The following ARL15 variants were observed in gnomAD, a reference collection of about 807,000 sequenced individuals.
ARL15 encodes ARF like GTPase 15.
ARL15 carries 19 observed loss-of-function variants against 25.2 expected under a neutral mutation model. The ratio of observed to expected loss-of-function variants is 0.75; its 90% CI spans 0.53 to 1.10. The LOEUF is 1.10. Ranked by LOEUF, ARL15 falls within the 50% of genes least tolerant of loss-of-function variation. The pLI is 0.00. For synonymous variants in ARL15, 94 were observed against 86.8 expected (o/e 1.08, Z -0.46); for missense variants, 220 against 246.0 (o/e 0.89, Z 0.71).
chr5:54,177,864 G>C (rs768306011), intron 1 of ARL15, among the ~76,000 whole-genome samples: 3 of 152,092 alleles, frequency 2.0e-5, no homozygotes, highest in Non-Finnish European at 2.9e-5. Context: ...TCTGTTTAAA[G>C]GGCACCTCCT....
chr5:53,898,719 C>T (rs1744955961), intron 4 of ARL15, among the ~76,000 whole-genome samples: 1 of 151,788 alleles, frequency 6.6e-6, no homozygotes, highest in South Asian at 2.1e-4. Flanking sequence ...TATCATGGCT[C>T]ACTGTAGCCT....
intron 2 of ARL15, among the ~76,000 whole-genome samples, chr5:54,156,317 C>G (rs1754231374): frequency 6.6e-6 from 1 of 152,178 alleles, no homozygotes; most frequent in African/African-American, 2.4e-5. Flanking sequence ...TGTGGGCAAC[C>G]TACTAGCCTT....
At chr5:53,894,195 A>C (rs1744801650) in intron 4 of ARL15, among the ~76,000 whole-genome samples, 1 of 152,252 alleles carries the variant, frequency 6.6e-6, no homozygotes, top group Admixed American at 6.5e-5. Context: ...ACTAAAGTTC[A>C]GTGCAGCCTA....
At chr5:53,903,963 G>A (rs1008764411) in intron 4 of ARL15, among the ~76,000 whole-genome samples, 1 of 152,072 alleles carries the variant, frequency 6.6e-6, no homozygotes, top group African/African-American at 2.4e-5. Flanking sequence ...AAGTAAAGTC[G>A]GGTAGGAATA....
chr5:53,995,607 G>C (rs1453092792), intron 4 of ARL15, among the ~76,000 whole-genome samples: 1 of 152,144 alleles, frequency 6.6e-6, no homozygotes, highest in Non-Finnish European at 1.5e-5. Flanking sequence ...ATCTTCAAGA[G>C]TAGTTTATCA....
chr5:53,909,839 G>A (rs1745395627), intron 4 of ARL15, among the ~76,000 whole-genome samples: 1 of 152,210 alleles, frequency 6.6e-6, no homozygotes, highest in Non-Finnish European at 1.5e-5. Context: ...GCTCACAGTA[G>A]AAGCTCAACA....
chr5:53,957,249 A>G (rs1747190406), intron 4 of ARL15, among the ~76,000 whole-genome samples: 1 of 152,194 alleles, frequency 6.6e-6, no homozygotes. Flanking sequence ...GAGCTTCAAT[A>G]AGACTAAGAG....
At chr5:53,933,029 A>G (rs770540826) in intron 4 of ARL15, among the ~76,000 whole-genome samples, 1 of 152,220 alleles carries the variant, frequency 6.6e-6, no homozygotes, top group African/African-American at 2.4e-5. Flanking sequence ...CACAGAGTCA[A>G]CACTTTAGTT....
At position 54,060,536 on chromosome 5, in the gene ARL15, C is replaced by T. The variant is rs1751032554; in HGVS notation, c.462+52666G>A. ...CTGCTGCCATCCACGTAAGATGTGA[C>T]TTGCTCCCCCTTGCCTTCCACCATG... On this transcript the variant is annotated intron_variant, in intron 4 of 4. Coordinates refer to ENST00000504924, the MANE Select transcript of ARL15 (RefSeq NM_019087.3). Among the ~76,000 whole-genome samples the T allele has an allele frequency of 2.0e-5, 3 of 152,198 alleles. No homozygotes were observed. In the South Asian group the frequency reaches 6.2e-4, roughly 31 times the overall value.
intron 1 of ARL15, among the ~76,000 whole-genome samples, chr5:54,211,026 C>T (rs558732394): frequency 1.3e-5 from 2 of 152,264 alleles, no homozygotes; most frequent in South Asian, 4.1e-4. Flanking sequence ...TTTTTGCAGT[C>T]ACACATAAGA....
rs1397978974 is a variant in ARL15, at chr5:54,273,869, C to T, written c.48+36563G>A. The stretch of plus-strand genomic sequence containing the variant: ...GGGAACAGAGAGACTAACATCGTCA[C>T]GTCCTCACTGTGCTTACAGTGAGAT... On this transcript the variant is annotated intron_variant, in intron 1 of 4. Transcript: ENST00000504924. Among the ~76,000 whole-genome samples, 3 of 152,174 alleles carry T rather than the reference C, an allele frequency of 2.0e-5. No individual in the cohort carries two copies. In the East Asian group the frequency reaches 5.8e-4, roughly 29 times the overall value.
At chr5:54,205,651 T>A (rs1755847838) in intron 1 of ARL15, among the ~76,000 whole-genome samples, 1 of 152,212 alleles carries the variant, frequency 6.6e-6, no homozygotes, top group Non-Finnish European at 1.5e-5. Context: ...ATCGTGTTCA[T>A]GATTAATCAT....
chr5:54,250,079 T>C (rs1336190700), intron 1 of ARL15, among the ~76,000 whole-genome samples: 1 of 152,108 alleles, frequency 6.6e-6, no homozygotes, highest in Non-Finnish European at 1.5e-5. Flanking sequence ...CTGTTTCTGG[T>C]GAGGTCTCAG....
At chr5:54,163,355 GCTTTTTTTTTTT>G (rs562225325) in intron 2 of ARL15, among the ~76,000 whole-genome samples, 5,466 of 51,026 alleles carry the variant, frequency 0.11, 661 homozygotes, top group Middle Eastern at 0.17. Flanking sequence ...TTGGTATGAA[GCTTTTTTTTTTT>G]TTTTTTTTTT....
chr5:54,304,628 A>G lies in ARL15; in HGVS notation c.48+5804T>C, dbSNP rs200798201. Among the ~76,000 whole-genome samples, 21 of 152,242 alleles carry G rather than the reference A, an allele frequency of 1.4e-4. No homozygotes were observed. The East Asian group carries it at 3.9e-3, about 28-fold the overall frequency. Reference sequence around the variant, plus strand: ...CTAATGGTACGGATTTGCTCAAAACATTTTTGCTATATGAACTCCATATAT... The same window carrying G: ...CTAATGGTACGGATTTGCTCAAAACGTTTTTGCTATATGAACTCCATATAT... On this transcript the variant is annotated intron_variant, in intron 1 of 4. Transcript: ENST00000504924.
intron 4 of ARL15, among the ~76,000 whole-genome samples, chr5:54,035,360 GAT>G (rs1344427474): frequency 6.6e-6 from 1 of 152,146 alleles, no homozygotes; most frequent in East Asian, 1.9e-4. Context: ...TAGGCCAAAA[GAT>G]GATTCATCTT....
chr5:54,060,129 T>TAAAAAAA lies in ARL15; in HGVS notation c.462+53066_462+53072dup, dbSNP rs1165458695. Among the ~76,000 whole-genome samples, 2 of 77,580 alleles carry TAAAAAAA rather than the reference T, an allele frequency of 2.6e-5. 1 individual carries two copies. Among genetic ancestry groups the TAAAAAAA allele is most frequent in the Non-Finnish European group, 5.1e-5 (2 of 39,302 alleles). The allele number at this position is 77,580 out of a possible 152,430, so 50.9% of individuals were successfully genotyped here. A position where few individuals can be genotyped will look rare whatever the true frequency, so the allele number is the denominator to read the frequency against. ...AATGAGTCTCATGAGATCTGATGAC[T>TAAAAAAA]AAAAAAAAAAAAAAAAAAAAAAACC... is the stretch of plus-strand genomic sequence containing the variant. On this transcript the variant is annotated intron_variant, in intron 4 of 4. Transcript: ENST00000504924.
At chr5:54,003,570 A>C (rs1748914930) in intron 4 of ARL15, among the ~76,000 whole-genome samples, 1 of 152,216 alleles carries the variant, frequency 6.6e-6, no homozygotes. Context: ...AAACAGGTTT[A>C]AGTTGCCAAA....
chr5:54,278,575 T>C (rs1250874987), intron 1 of ARL15, among the ~76,000 whole-genome samples: 2 of 152,234 alleles, frequency 1.3e-5, no homozygotes, highest in Non-Finnish European at 2.9e-5. Context: ...AGTTATCTCC[T>C]TGGACCAGAT....
Sources: gnomAD v4.1 joint callset for allele counts (sites outside exome capture counted in the v4.1 genomes callset) on GRCh38, gnomAD v4.1.1 for gene constraint, MANE v1.5 for transcripts, NCBI Gene and HGNC (gene_info 2026-07-23, HGNC 2026-07-21) for gene names.